NFIA: variants seen among roughly 807,000 people sequenced by gnomAD.
NFIA encodes nuclear factor I A.
NFIA carries 8 observed loss-of-function variants against 62.8 expected under a neutral mutation model. That is an observed-to-expected ratio of 0.13 (90% CI 0.07 to 0.23). The LOEUF is 0.23. NFIA is among the 10% of genes least tolerant of loss of function. The pLI is 1.00. For synonymous variants in NFIA, 235 were observed against 238.1 expected (o/e 0.99, Z 0.12); for missense variants, 410 against 642.1 (o/e 0.64, Z 3.91).
intron 2 of NFIA, among the ~76,000 whole-genome samples, chr1:61,255,577 C>T (rs1257792604): frequency 6.6e-6 from 1 of 152,082 alleles, no homozygotes. Flanking sequence ...GATGGGTAAA[C>T]TGTTTGAAAT....
At chr1:61,150,681 A>C (rs933987211) in intron 2 of NFIA, among the ~76,000 whole-genome samples, 1 of 152,162 alleles carries the variant, frequency 6.6e-6, no homozygotes, top group Non-Finnish European at 1.5e-5. Flanking sequence ...ACAGCAACAA[A>C]ATTCCCCCAA....
chr1:61,406,663 G>C lies in NFIA; in HGVS notation c.1356G>C (p.Pro452=), dbSNP rs373667307. 6.2e-7 allele frequency: 1 copy of C among 1,608,022 alleles called. No individual in the cohort carries two copies. The highest frequency in any genetic ancestry group is 1.1e-5 in the South Asian group (1 of 90,592). Reference sequence around the variant, plus strand: ...CGATGGCCAGGCCTGTGCCTCTGCCGGTGCCAGACACAAAGCCTCCAACCA... The same window carrying C: ...CGATGGCCAGGCCTGTGCCTCTGCCCGTGCCAGACACAAAGCCTCCAACCA... ...PPPMARPVPL[P]VPDTKPPTTS... The change falls in exon 9 of 11, where the codon CCG becomes CCC. Residue 452 remains proline (P), a synonymous_variant. Transcript: ENST00000403491.
At chr1:61,179,490 C>T (rs772242872) in intron 2 of NFIA, among the ~76,000 whole-genome samples, 4 of 152,138 alleles carry the variant, frequency 2.6e-5, no homozygotes, top group Admixed American at 6.5e-5. Context: ...CAATGCCATT[C>T]GTAAAAGCGT....
chr1:61,241,401 G>A (rs1054180250), intron 2 of NFIA, among the ~76,000 whole-genome samples: 4 of 152,186 alleles, frequency 2.6e-5, no homozygotes, highest in Admixed American at 1.3e-4. Context: ...CAGTGAGGAT[G>A]TTGTAAATTG....
chr1:61,276,175 T>C (rs1570495531), intron 2 of NFIA, among the ~76,000 whole-genome samples: 1 of 152,336 alleles, frequency 6.6e-6, no homozygotes, highest in East Asian at 1.9e-4. Flanking sequence ...GTTAAGATTA[T>C]CTGAAAATTT....
At chr1:61,375,870 C>T (rs892280218) in intron 6 of NFIA, among the ~76,000 whole-genome samples, 2 of 152,182 alleles carry the variant, frequency 1.3e-5, no homozygotes, top group African/African-American at 4.8e-5. Context: ...AAGTTGACTA[C>T]ACCATTTCCC....
At chr1:61,101,800 C>CT (rs1313486544) in intron 2 of NFIA, among the ~76,000 whole-genome samples, 1 of 152,124 alleles carries the variant, frequency 6.6e-6, no homozygotes. Flanking sequence ...GAGATACATA[C>CT]TACATTCAGA....
intron 2 of NFIA, among the ~76,000 whole-genome samples, chr1:61,200,634 G>C (rs1433112872): frequency 6.6e-6 from 1 of 152,010 alleles, no homozygotes; most frequent in Middle Eastern, 3.2e-3. Flanking sequence ...AGTCATGTTG[G>C]GTAGACAAGA....
At chr1:61,080,959 C>T (rs1035902593), upstream of NFIA, among the ~76,000 whole-genome samples, 2 of 151,562 alleles carry the variant, frequency 1.3e-5, no homozygotes, top group Non-Finnish European at 2.9e-5. Context: ...GGCCTTAACA[C>T]ATCACTCACC....
At chr1:61,189,626 C>T (rs991018440) in intron 2 of NFIA, among the ~76,000 whole-genome samples, 2 of 152,130 alleles carry the variant, frequency 1.3e-5, no homozygotes, top group Non-Finnish European at 2.9e-5. Context: ...GATCGGGCCA[C>T]TGCACTCCAG....
At chr1:61,298,000 G>A (rs1659282610) in intron 3 of NFIA, among the ~76,000 whole-genome samples, 1 of 152,106 alleles carries the variant, frequency 6.6e-6, no homozygotes, top group Admixed American at 6.6e-5. Flanking sequence ...GGGGATGGAG[G>A]TAAGGCATTC....
chr1:61,332,501 T>C lies in NFIA; in HGVS notation c.626-11T>C. 6.2e-7 allele frequency: 1 copy of C among 1,613,426 alleles called. No individual in the cohort carries two copies. Among genetic ancestry groups the C allele is most frequent in the Non-Finnish European group, 8.5e-7 (1 of 1,179,522 alleles). ...ATGACACTTTGTTTTCTTTTGTTTTTGTTTCCCCAGGACATTTGGGCTTCC... is the reference window on the plus strand; with the variant it reads ...ATGACACTTTGTTTTCTTTTGTTTTCGTTTCCCCAGGACATTTGGGCTTCC... On this transcript the variant is annotated splice_polypyrimidine_tract_variant and intron_variant, in intron 3 of 10. Transcript: ENST00000403491.
At chr1:61,302,697 A>G (rs575250208) in intron 3 of NFIA, among the ~76,000 whole-genome samples, 194 of 152,338 alleles carry the variant, frequency 1.3e-3, no homozygotes, top group Non-Finnish European at 2.4e-3. Flanking sequence ...CCAGCTGCAT[A>G]TTAGTTTTAT....
At chr1:61,316,954 A>T (rs1350871155) in intron 3 of NFIA, among the ~76,000 whole-genome samples, 1 of 152,174 alleles carries the variant, frequency 6.6e-6, no homozygotes, top group East Asian at 1.9e-4. Context: ...TTATTTCTGC[A>T]TTTAGTGTTA....
intron 2 of NFIA, among the ~76,000 whole-genome samples, chr1:61,121,800 A>C (rs1646891575): frequency 1.3e-5 from 2 of 152,202 alleles, no homozygotes; most frequent in Admixed American, 6.5e-5. Flanking sequence ...CCTGGTGGTG[A>C]TAGCATGAAG....
chr1:61,228,005 G>A (rs542024032), intron 2 of NFIA, among the ~76,000 whole-genome samples: 6 of 151,986 alleles, frequency 3.9e-5, no homozygotes, highest in African/African-American at 1.5e-4. Context: ...CCCTCTTCCC[G>A]GCTCAATGAC....
chr1:61,337,948 T>G (rs1465435054), intron 4 of NFIA, among the ~76,000 whole-genome samples: 3 of 152,170 alleles, frequency 2.0e-5, no homozygotes, highest in Non-Finnish European at 4.4e-5. Flanking sequence ...CTGACTCTAT[T>G]TTACTTGAAG....
chr1:61,345,653 A>G (rs1162735063), intron 4 of NFIA, among the ~76,000 whole-genome samples: 1 of 152,106 alleles, frequency 6.6e-6, no homozygotes, highest in African/African-American at 2.4e-5. Flanking sequence ...AGATTCTCCT[A>G]GGAACGCAAA....
chr1:61,127,192 T>C (rs1316739545), intron 2 of NFIA, among the ~76,000 whole-genome samples: 2 of 144,536 alleles, frequency 1.4e-5, no homozygotes, highest in African/African-American at 5.2e-5. Context: ...GTAGAGCAGC[T>C]CACGCCTGTA....
Sources: gnomAD v4.1 joint callset for allele counts (sites outside exome capture counted in the v4.1 genomes callset) on GRCh38, gnomAD v4.1.1 for gene constraint, MANE v1.5 for transcripts, NCBI Gene and HGNC (gene_info 2026-07-23, HGNC 2026-07-21) for gene names.